Variants in IGF1R observed in about 807,000 individuals in gnomAD.
IGF1R encodes the protein insulin-like growth factor 1 receptor.
Under a neutral mutation model 144.6 loss-of-function variants are expected in IGF1R, and 44 were observed. That is an observed-to-expected ratio of 0.30 (90% confidence interval 0.24 to 0.39). The LOEUF (loss-of-function observed/expected upper bound fraction) is 0.39, where lower values mean the gene tolerates loss of function less well. IGF1R is among the 10% of genes least tolerant of loss of function. IGF1R has a pLI of 1.00. For missense variants in IGF1R, 1,355 were observed against 1,833.7 expected, an observed-to-expected ratio of 0.74 and a Z score of 4.77; for synonymous variants, 795 against 722.8, an observed-to-expected ratio of 1.10 and a Z score of -1.60.
intron 18 of IGF1R, 31 bp downstream of exon 18, chr15:98,939,391 G>T: frequency 1.2e-6 from 2 of 1,611,814 alleles, no homozygotes; most frequent in Non-Finnish European, 1.7e-6. Flanking sequence ...GTCTGGGCAA[G>T]AACTAAACTC....
In IGF1R at chr15:98,871,785, G is replaced by A. The variant is rs116683493; in HGVS notation, c.641-19540G>A. Among the ~76,000 whole-genome samples the A allele has an allele frequency of 5.2e-3, 795 of 152,316 alleles. 6 individuals are homozygous for A. The highest frequency in any genetic ancestry group is 0.018 in the African/African-American group (760 of 41,552). ...CCCCATGATTCAGTTAGCTCCCGGC[G>A]GGTCCCTCCCACAACATGTGGGAAT... On this transcript the variant is annotated intron_variant, in intron 2 of 20. Coordinates refer to ENST00000650285, the MANE Select transcript of IGF1R (RefSeq NM_000875.5).
chr15:98,922,475 C>G, intron 11 of IGF1R, 44 bp downstream of exon 11: 1 of 1,594,988 alleles, frequency 6.3e-7, no homozygotes. Context: ...TTCCTCACAA[C>G]CTAGTGGAGA....
chr15:98,948,462 C>T, intron 19 of IGF1R, 112 bp from the exon 20 acceptor site: 1 of 1,147,044 alleles, frequency 8.7e-7, no homozygotes, highest in South Asian at 1.2e-5. Flanking sequence ...AGCACTGTCA[C>T]CATAGTAAGG....
intron 2 of IGF1R, among the ~76,000 whole-genome samples, chr15:98,775,181 C>T (rs1046977186): frequency 6.6e-6 from 1 of 152,220 alleles, no homozygotes; most frequent in African/African-American, 2.4e-5. Flanking sequence ...CCAGCTGGGT[C>T]AGGCCAAGTC....
chr15:98,648,577 G>A lies in IGF1R; in HGVS notation c.-1005G>A, dbSNP rs1175934285. On this transcript the variant is annotated 5_prime_UTR_variant, in exon 1 of 21. Coordinates refer to ENST00000650285, the MANE Select transcript of IGF1R (RefSeq NM_000875.5). ...GGCGGCGGCGGCGCGGCGAGGCTGG[G>A]GCTCTTGTTTACCAGCATTAACTCC... Among the ~76,000 whole-genome samples, 10 of 145,642 alleles carry A rather than the reference G, an allele frequency of 6.9e-5. No homozygotes were observed. The highest frequency in any genetic ancestry group is 1.1e-4 in the Non-Finnish European group (7 of 65,666).
chr15:98,770,869 T>C (rs61656202), intron 2 of IGF1R, among the ~76,000 whole-genome samples: 3,307 of 152,288 alleles, frequency 0.022, 105 homozygotes, highest in African/African-American at 0.074. Flanking sequence ...TTCGTCTGTA[T>C]GCATTTTTCT....
intron 2 of IGF1R, among the ~76,000 whole-genome samples, chr15:98,780,153 TAAA>T: frequency 6.6e-6 from 1 of 150,994 alleles, no homozygotes; most frequent in African/African-American, 2.4e-5. Flanking sequence ...TAAAGTATAA[TAAA>T]AAAATAAATA....
chr15:98,811,393 G>T (rs2056586554), intron 2 of IGF1R, among the ~76,000 whole-genome samples: 1 of 151,296 alleles, frequency 6.6e-6, no homozygotes, highest in African/African-American at 2.4e-5. Context: ...AGCCAGGCGT[G>T]GTTGCGGGCG....
At chr15:98,943,834 A>G (rs1441088322) in intron 19 of IGF1R, among the ~76,000 whole-genome samples, 1 of 152,230 alleles carries the variant, frequency 6.6e-6, no homozygotes, top group Non-Finnish European at 1.5e-5. Flanking sequence ...TTACTCCAAC[A>G]GTCTGGATGA....
At chr15:98,823,993 G>A (rs2056847073) in intron 2 of IGF1R, among the ~76,000 whole-genome samples, 1 of 152,174 alleles carries the variant, frequency 6.6e-6, no homozygotes, top group South Asian at 2.1e-4. Flanking sequence ...TCAGTCATTT[G>A]TGAATGATGT....
chr15:98,850,383 T>G lies in IGF1R; in HGVS notation c.641-40942T>G, dbSNP rs754765828. 4.9e-4 allele frequency among the ~76,000 whole-genome samples: 74 copies of G among 152,304 alleles called. 1 individual carries two copies. Among genetic ancestry groups the G allele is most frequent in the Non-Finnish European group, 8.2e-4 (56 of 68,014 alleles). On this transcript the variant is annotated intron_variant, in intron 2 of 20. Transcript: ENST00000650285. ...AGAGACAAGCTGGAAACAGCACTGC[T>G]TCCATGGTCTGGAGACTGGAATATG...
chr15:98,936,153 C>G lies in IGF1R; in HGVS notation c.3297+727C>G, dbSNP rs113122728. 1.4e-3 allele frequency among the ~76,000 whole-genome samples: 206 copies of G among 152,342 alleles called. 2 individuals are homozygous for G. The highest frequency in any genetic ancestry group is 4.8e-3 in the African/African-American group (200 of 41,570). ...ACTGGGAATCTGGTTTCCTCAGACTCTACGTCCACGTTTCAGGATTGATCC... is the reference window on the plus strand; with the variant it reads ...ACTGGGAATCTGGTTTCCTCAGACTGTACGTCCACGTTTCAGGATTGATCC... On this transcript the variant is annotated intron_variant, in intron 17 of 20. Transcript: ENST00000650285.
intron 2 of IGF1R, among the ~76,000 whole-genome samples, chr15:98,779,259 A>T (rs933376363): frequency 2.0e-5 from 3 of 152,226 alleles, no homozygotes; most frequent in Non-Finnish European, 4.4e-5. Flanking sequence ...ACTGTGTAGC[A>T]GCAACCTCAT....
At chr15:98,822,142 G>A (rs940779690) in intron 2 of IGF1R, among the ~76,000 whole-genome samples, 18 of 152,196 alleles carry the variant, frequency 1.2e-4, no homozygotes, top group African/African-American at 4.3e-4. Flanking sequence ...AGGGACTGTT[G>A]CAGAGCATTA....
At chr15:98,789,154 G>A (rs989305090) in intron 2 of IGF1R, among the ~76,000 whole-genome samples, 3 of 152,098 alleles carry the variant, frequency 2.0e-5, no homozygotes, top group East Asian at 1.9e-4. Flanking sequence ...AACTCAGATC[G>A]TGATTGCCAA....
chr15:98,793,507 C>G (rs1026873933), intron 2 of IGF1R, among the ~76,000 whole-genome samples: 4 of 152,192 alleles, frequency 2.6e-5, no homozygotes, highest in African/African-American at 9.7e-5. Flanking sequence ...AGTCAGAATA[C>G]ATTTTTCTTT....
At chr15:98,691,866 A>G (rs1171494395) in intron 1 of IGF1R, among the ~76,000 whole-genome samples, 1 of 152,168 alleles carries the variant, frequency 6.6e-6, no homozygotes, top group Non-Finnish European at 1.5e-5. Flanking sequence ...AAGAGGAGTC[A>G]CTGTTCAGAG....
intron 1 of IGF1R, among the ~76,000 whole-genome samples, chr15:98,659,423 A>G (rs2052553070): frequency 6.6e-6 from 1 of 152,158 alleles, no homozygotes; most frequent in South Asian, 2.1e-4. Context: ...CAGAAGGGAA[A>G]TTCAGCATAT....
At chr15:98,860,799 T>C (rs920570691) in intron 2 of IGF1R, among the ~76,000 whole-genome samples, 5 of 152,184 alleles carry the variant, frequency 3.3e-5, no homozygotes, top group African/African-American at 1.2e-4. Flanking sequence ...AGCCCCTCTG[T>C]AGGTGATTAT....
Sources: gnomAD v4.1 joint callset for allele counts (sites outside exome capture counted in the v4.1 genomes callset) on GRCh38, gnomAD v4.1.1 for gene constraint, MANE v1.5 for transcripts, NCBI Gene and HGNC (gene_info 2026-07-23, HGNC 2026-07-21) for gene names.